DPY19L3: variants seen among roughly 807,000 people sequenced by gnomAD.
DPY19L3 encodes the protein protein C-mannosyl-transferase DPY19L3.
A neutral mutation model predicts 92.3 loss-of-function variants in DPY19L3; 51 were observed. The ratio of observed to expected loss-of-function variants is 0.55; its 90% CI spans 0.44 to 0.70. The LOEUF is 0.70. Ranked by LOEUF, DPY19L3 falls within the 30% of genes least tolerant of loss-of-function variation. DPY19L3 has a pLI of 0.00. For synonymous variants in DPY19L3, 309 were observed against 315.2 expected (o/e 0.98, Z 0.21); for missense variants, 706 against 855.9 (o/e 0.82, Z 2.18).
chr19:32,439,509 T>C (rs1035867339), intron 7 of DPY19L3, among the ~76,000 whole-genome samples: 2 of 152,220 alleles, frequency 1.3e-5, no homozygotes, highest in Non-Finnish European at 2.9e-5. Context: ...CTGTCAGAAT[T>C]TTTAAGCCCT....
At chr19:32,446,211 A>G (rs1342408761) in intron 8 of DPY19L3, among the ~76,000 whole-genome samples, 2 of 152,210 alleles carry the variant, frequency 1.3e-5, no homozygotes, top group African/African-American at 4.8e-5. Flanking sequence ...AATAGCCAGA[A>G]TAACCACTTT....
chr19:32,463,520 T>G, intron 13 of DPY19L3, 32 bp downstream of exon 13: 1 of 1,603,234 alleles, frequency 6.2e-7, no homozygotes, highest in Non-Finnish European at 8.5e-7. Context: ...GTTTACTTTT[T>G]ATTTGATCAC....
chr19:32,442,206 A>C (rs191569951), intron 8 of DPY19L3, among the ~76,000 whole-genome samples: 2 of 152,236 alleles, frequency 1.3e-5, no homozygotes, highest in African/African-American at 4.8e-5. Context: ...TCTACAGTAC[A>C]TTTTGTCATC....
At chr19:32,406,342 A>G (rs1034013641) in intron 1 of DPY19L3, 3 of 152,252 alleles carry the variant, frequency 2.0e-5, no homozygotes. Flanking sequence ...GGGGATGCTC[A>G]CTAGAGCGCT....
intron 12 of DPY19L3, among the ~76,000 whole-genome samples, 179 bp from the exon 13 acceptor site, chr19:32,463,187 T>C (rs372406973): frequency 6.6e-6 from 1 of 152,344 alleles, no homozygotes; most frequent in East Asian, 1.9e-4. Flanking sequence ...AATGCATTTA[T>C]ATTGTTACAC....
At chr19:32,471,604 C>A (rs575570331) in intron 16 of DPY19L3, among the ~76,000 whole-genome samples, 1 of 152,144 alleles carries the variant, frequency 6.6e-6, no homozygotes, top group South Asian at 2.1e-4. Flanking sequence ...CGCCCCGTGT[C>A]CTTGCTGCTG....
chr19:32,410,208 TATTG>T (rs1273171091), intron 2 of DPY19L3, among the ~76,000 whole-genome samples: 1 of 152,210 alleles, frequency 6.6e-6, no homozygotes. Context: ...CTGTTATTAT[TATTG>T]GCCACTTTTT....
rs115665147 is a variant in DPY19L3 at position 32,432,509 on chromosome 19, T to C, written c.238-207T>C. Among the ~76,000 whole-genome samples, 581 of 152,236 alleles carry C rather than the reference T, an allele frequency of 3.8e-3. 5 individuals carry two copies. Among genetic ancestry groups the C allele is most frequent in the African/African-American group, 0.014 (561 of 41,534 alleles). ...TTTTAAGATTAAACATTCACTAAAGTAGAGAATAGTAGGACAGACTCCCAT... is the reference window on the plus strand; with the variant it reads ...TTTTAAGATTAAACATTCACTAAAGCAGAGAATAGTAGGACAGACTCCCAT... On this transcript the variant is annotated intron_variant, in intron 3 of 18. Coordinates refer to ENST00000392250, the MANE Select transcript of DPY19L3 (RefSeq NM_001172774.2).
intron 3 of DPY19L3, among the ~76,000 whole-genome samples, chr19:32,428,618 AT>A (rs1312379875): frequency 1.3e-5 from 2 of 152,120 alleles, no homozygotes; most frequent in Non-Finnish European, 2.9e-5. Flanking sequence ...TTTACGTGAG[AT>A]TTTTAAAAAG....
intron 12 of DPY19L3, among the ~76,000 whole-genome samples, chr19:32,461,156 G>T (rs1970028858): frequency 6.6e-6 from 1 of 152,166 alleles, no homozygotes; most frequent in Non-Finnish European, 1.5e-5. Flanking sequence ...ATGAGCCACT[G>T]CACCCTGCCA....
intron 16 of DPY19L3, among the ~76,000 whole-genome samples, 194 bp from the exon 17 acceptor site, chr19:32,477,328 C>CA (rs1970541704): frequency 6.6e-6 from 1 of 151,780 alleles, no homozygotes; most frequent in African/African-American, 2.4e-5. Flanking sequence ...AAAGTAATGG[C>CA]AAAAACCGCA....
intron 8 of DPY19L3, among the ~76,000 whole-genome samples, chr19:32,443,826 A>G (rs1318382449): frequency 1.3e-5 from 2 of 152,108 alleles, no homozygotes; most frequent in African/African-American, 4.8e-5. Flanking sequence ...TTGGGAGGCC[A>G]AGGCAGGCAG....
At chr19:32,476,758 G>A (rs1391166715) in intron 16 of DPY19L3, among the ~76,000 whole-genome samples, 1 of 152,066 alleles carries the variant, frequency 6.6e-6, no homozygotes, top group African/African-American at 2.4e-5. Context: ...ACTGCATATA[G>A]TTTCTCATAA....
At chr19:32,431,868 G>A (rs141913585) in intron 3 of DPY19L3, among the ~76,000 whole-genome samples, 35 of 152,058 alleles carry the variant, frequency 2.3e-4, no homozygotes, top group African/African-American at 7.5e-4. Flanking sequence ...ATACTTATTC[G>A]TACATAAGTA....
intron 8 of DPY19L3, among the ~76,000 whole-genome samples, chr19:32,443,648 G>T (rs1456261732): frequency 6.6e-6 from 1 of 152,084 alleles, no homozygotes; most frequent in African/African-American, 2.4e-5. Flanking sequence ...CCCAGATTAC[G>T]GTATTTTGTT....
intron 12 of DPY19L3, among the ~76,000 whole-genome samples, chr19:32,460,178 A>G (rs192448418): frequency 1.2e-4 from 18 of 152,198 alleles, no homozygotes; most frequent in Non-Finnish European, 2.4e-4. Flanking sequence ...GTTGAGAAGG[A>G]TTGCTTAAGG....
chr19:32,448,933 A>G (rs1399046988), intron 8 of DPY19L3, among the ~76,000 whole-genome samples: 2 of 152,356 alleles, frequency 1.3e-5, no homozygotes, highest in South Asian at 2.1e-4. Context: ...TTTTGAATGT[A>G]TATAAAACTA....
At chr19:32,456,016 C>T (rs529097048) in intron 10 of DPY19L3, among the ~76,000 whole-genome samples, 6 of 151,148 alleles carry the variant, frequency 4.0e-5, no homozygotes, top group Non-Finnish European at 5.9e-5. Context: ...TCCTTGTTCA[C>T]GTCTGTTGAC....
chr19:32,437,860 G>C (rs1178057994), intron 6 of DPY19L3, among the ~76,000 whole-genome samples: 1 of 151,682 alleles, frequency 6.6e-6, no homozygotes, highest in African/African-American at 2.4e-5. Context: ...TTTTTGTAGA[G>C]ACAGGATCTC....
Sources: gnomAD v4.1 joint callset for allele counts (sites outside exome capture counted in the v4.1 genomes callset) on GRCh38, gnomAD v4.1.1 for gene constraint, MANE v1.5 for transcripts, NCBI Gene and HGNC (gene_info 2026-07-23, HGNC 2026-07-21) for gene names.